The following CRIM1 variants were observed in gnomAD, a reference collection of about 807,000 sequenced individuals.
The protein encoded by CRIM1 is cysteine-rich motor neuron 1 protein.
In CRIM1, 32 loss-of-function variants were observed where a neutral mutation model predicts 116.4. The observed-to-expected ratio is 0.27, with a 90% CI of 0.21 to 0.37. The LOEUF (loss-of-function observed/expected upper bound fraction) is 0.37, where lower values mean the gene tolerates loss of function less well. CRIM1 is among the 10% of genes least tolerant of loss of function. The pLI is 1.00. For missense variants in CRIM1, 1,331 were observed against 1,354.8 expected, an observed-to-expected ratio of 0.98 and a Z score of 0.28; for synonymous variants, 590 against 509.2, an observed-to-expected ratio of 1.16 and a Z score of -2.13.
intron 7 of CRIM1, among the ~76,000 whole-genome samples, chr2:36,485,364 C>T (rs985294915): frequency 3.2e-4 from 49 of 152,292 alleles, no homozygotes; most frequent in Middle Eastern, 6.8e-3. Flanking sequence ...TCTCAGCTCA[C>T]CCAATACTGT....
chr2:36,537,325 T>C (rs748614713), intron 13 of CRIM1, 27 bp from the exon 14 acceptor site: 1 of 1,608,160 alleles, frequency 6.2e-7, no homozygotes, highest in Non-Finnish European at 8.5e-7. Flanking sequence ...CATCAGCGAC[T>C]CCATCATGTG....
intron 5 of CRIM1, among the ~76,000 whole-genome samples, chr2:36,476,541 G>A (rs150889223): frequency 9.2e-5 from 14 of 152,208 alleles, no homozygotes; most frequent in African/African-American, 3.4e-4. Flanking sequence ...TTCATTTGAG[G>A]TAGACAATGA....
At chr2:36,496,736 T>C (rs529166862) in intron 7 of CRIM1, among the ~76,000 whole-genome samples, 2 of 152,328 alleles carry the variant, frequency 1.3e-5, no homozygotes, top group South Asian at 4.1e-4. Flanking sequence ...TCTGTGACTG[T>C]GTACCTAACT....
At chr2:36,517,642 G>T in intron 12 of CRIM1, 100 bp downstream of exon 12, 12 of 1,194,000 alleles carry the variant, frequency 1.0e-5, no homozygotes, top group Non-Finnish European at 1.3e-5. Context: ...CCCCATATGG[G>T]AGTGTGCCAA....
intron 2 of CRIM1, among the ~76,000 whole-genome samples, chr2:36,418,469 T>C (rs988336491): frequency 6.6e-6 from 1 of 152,144 alleles, no homozygotes; most frequent in African/African-American, 2.4e-5. Flanking sequence ...GTATTTTTTG[T>C]AAAGATGGCA....
At chr2:36,417,065 C>A (rs1175138330) in intron 2 of CRIM1, among the ~76,000 whole-genome samples, 3 of 152,190 alleles carry the variant, frequency 2.0e-5, no homozygotes, top group Non-Finnish European at 4.4e-5. Flanking sequence ...CAGAATCCCG[C>A]CACTCCCATT....
chr2:36,477,340 G>C (rs3770854), intron 6 of CRIM1, among the ~76,000 whole-genome samples: 3 of 152,204 alleles, frequency 2.0e-5, no homozygotes, highest in Admixed American at 6.5e-5. Flanking sequence ...GTTGTTTTCC[G>C]TTCCTCCCCT....
intron 7 of CRIM1, among the ~76,000 whole-genome samples, chr2:36,486,125 A>G (rs1679798783): frequency 5.3e-5 from 8 of 152,244 alleles, no homozygotes; most frequent in Admixed American, 5.2e-4. Flanking sequence ...ATATAGGTAA[A>G]GTAAATGCAA....
intron 7 of CRIM1, among the ~76,000 whole-genome samples, chr2:36,482,923 C>A (rs1679529162): frequency 6.6e-6 from 1 of 152,144 alleles, no homozygotes; most frequent in Admixed American, 6.5e-5. Context: ...GATAATGTGT[C>A]TTTTGGTTAC....
At chr2:36,431,788 C>T (rs879749381) in intron 2 of CRIM1, among the ~76,000 whole-genome samples, 12 of 152,212 alleles carry the variant, frequency 7.9e-5, no homozygotes, top group Admixed American at 4.6e-4. Flanking sequence ...TCATAGGAGA[C>T]ACCCACAAGG....
intron 4 of CRIM1, among the ~76,000 whole-genome samples, chr2:36,451,081 C>T (rs193088051): frequency 1.8e-4 from 28 of 152,272 alleles, no homozygotes; most frequent in Non-Finnish European, 1.8e-4. Flanking sequence ...AAACAAGGTA[C>T]AGATTTTAAA....
At chr2:36,547,201 A>G (rs1667414423) in intron 16 of CRIM1, 30 bp downstream of exon 16, 1 of 1,563,922 alleles carries the variant, frequency 6.4e-7, no homozygotes, top group Non-Finnish European at 8.8e-7. Context: ...AGTCTCTTGA[A>G]TGATGAATCT....
At chr2:36,506,218 CAGATT>C (rs1553326656) in intron 8 of CRIM1, among the ~76,000 whole-genome samples, 1 of 141,522 alleles carries the variant, frequency 7.1e-6, no homozygotes, top group Non-Finnish European at 1.5e-5. Flanking sequence ...CACACACACT[CAGATT>C]AGGACCATGT....
chr2:36,409,682 C>G (rs1237739195), intron 2 of CRIM1, among the ~76,000 whole-genome samples: 2 of 152,212 alleles, frequency 1.3e-5, no homozygotes, highest in African/African-American at 4.8e-5. Flanking sequence ...AGAATCAAAG[C>G]TAACTTTAAT....
chr2:36,516,395 C>T (rs1665033800), intron 11 of CRIM1, among the ~76,000 whole-genome samples: 1 of 152,168 alleles, frequency 6.6e-6, no homozygotes, highest in Non-Finnish European at 1.5e-5. Context: ...GATTACGTGA[C>T]TATGGTTAAT....
chr2:36,522,422 C>T, intron 13 of CRIM1, 109 bp downstream of exon 13: 1 of 813,690 alleles, frequency 1.2e-6, no homozygotes, highest in Non-Finnish European at 2.1e-6. Flanking sequence ...TTTTTCCCTG[C>T]TTGACATGTC....
intron 2 of CRIM1, among the ~76,000 whole-genome samples, chr2:36,440,475 C>T (rs1339502952): frequency 1.3e-5 from 2 of 152,196 alleles, no homozygotes; most frequent in Non-Finnish European, 2.9e-5. Context: ...AAAACTCAAC[C>T]CAAGAAGCTA....
At chr2:36,427,095 G>T (rs1377051060) in intron 2 of CRIM1, among the ~76,000 whole-genome samples, 1 of 151,948 alleles carries the variant, frequency 6.6e-6, no homozygotes, top group Non-Finnish European at 1.5e-5. Context: ...CAACTACTCA[G>T]GAGGCTAAGG....
At chr2:36,459,587 T>TA in intron 4 of CRIM1, among the ~76,000 whole-genome samples, 1 of 152,334 alleles carries the variant, frequency 6.6e-6, no homozygotes, top group Admixed American at 6.5e-5. Context: ...TTACTACCGT[T>TA]ACGTACTGTT....
Sources: allele counts gnomAD v4.1 joint callset (sites outside exome capture counted in the v4.1 genomes callset), GRCh38; gene constraint gnomAD v4.1.1; transcripts MANE v1.5; gene names NCBI Gene and HGNC (gene_info 2026-07-23, HGNC 2026-07-21).